The following FBXL13 variants were observed in gnomAD, a reference collection of about 807,000 sequenced individuals.
FBXL13 encodes F-box and leucine-rich repeat protein 13.
Under a neutral mutation model 83.6 loss-of-function variants are expected in FBXL13, and 67 were observed. The ratio of observed to expected loss-of-function variants is 0.80; its 90% CI spans 0.66 to 0.98. The LOEUF (loss-of-function observed/expected upper bound fraction) is 0.98. FBXL13 is among the 50% of genes least tolerant of loss of function. The pLI, the probability that FBXL13 is intolerant of heterozygous loss-of-function variation, is 0.00. For missense variants in FBXL13, 822 were observed against 866.5 expected (o/e 0.95, Z 0.64); for synonymous variants, 272 against 299.5 (o/e 0.91, Z 0.95).
Position 103,021,633 on chromosome 7 carries a change from G to A in FBXL13, c.495+3430C>T, listed in dbSNP as rs1018958605. On this transcript the variant is annotated intron_variant, in intron 6 of 19. Transcript: ENST00000313221. Reference sequence around the variant, plus strand: ...ATCTACAAAGAACTTAAACAAATTTGCAAGAAAAAATCAAACAACCCCATC... The same window carrying A: ...ATCTACAAAGAACTTAAACAAATTTACAAGAAAAAATCAAACAACCCCATC... Among the ~76,000 whole-genome samples, 23 of 152,092 alleles carry A rather than the reference G, an allele frequency of 1.5e-4. 1 individual carries two copies. The highest frequency in any genetic ancestry group is 3.2e-4 in the Non-Finnish European group (22 of 67,962).
At chr7:102,861,904 C>G (rs767225957) in intron 16 of FBXL13, among the ~76,000 whole-genome samples, 1 of 150,438 alleles carries the variant, frequency 6.6e-6, no homozygotes, top group Admixed American at 6.6e-5. Context: ...ATCGCTTTAA[C>G]CCAGGAGGCA....
intron 2 of FBXL13, among the ~76,000 whole-genome samples, chr7:103,053,278 G>C (rs1297211336): frequency 6.7e-6 from 1 of 150,280 alleles, no homozygotes; most frequent in East Asian, 2.0e-4. Flanking sequence ...TCAGCCTCCT[G>C]AGTAGCTGGG....
intron 17 of FBXL13, among the ~76,000 whole-genome samples, chr7:102,853,499 C>A (rs1054573596): frequency 7.2e-5 from 11 of 152,160 alleles, no homozygotes; most frequent in African/African-American, 2.7e-4. Flanking sequence ...GCAATGGCAA[C>A]AAAAGCCAAA....
intron 6 of FBXL13, among the ~76,000 whole-genome samples, chr7:103,002,993 C>T (rs1422731579): frequency 6.6e-6 from 1 of 152,052 alleles, no homozygotes; most frequent in Admixed American, 6.6e-5. Context: ...TCTTTCTAAC[C>T]ATTGCTCTTT....
At chr7:102,920,774 C>G (rs1369571516) in intron 10 of FBXL13, among the ~76,000 whole-genome samples, 2 of 152,150 alleles carry the variant, frequency 1.3e-5, no homozygotes, top group African/African-American at 4.8e-5. Flanking sequence ...AATCCCGCAT[C>G]ACAAAGGTTA....
At chr7:103,052,033 CAG>C (rs1490374110) in intron 2 of FBXL13, among the ~76,000 whole-genome samples, 1 of 152,220 alleles carries the variant, frequency 6.6e-6, no homozygotes, top group Non-Finnish European at 1.5e-5. Flanking sequence ...ATCACTTTAA[CAG>C]CACATATTGG....
intron 6 of FBXL13, among the ~76,000 whole-genome samples, chr7:102,983,888 A>G (rs996326869): frequency 2.0e-5 from 3 of 152,202 alleles, no homozygotes; most frequent in African/African-American, 4.8e-5. Flanking sequence ...CCCTCAGGGC[A>G]CATGTGGAAG....
chr7:102,811,800 G>C (rs183039156), downstream of FBXL13, among the ~76,000 whole-genome samples: 1 of 152,224 alleles, frequency 6.6e-6, no homozygotes, highest in African/African-American at 2.4e-5. Flanking sequence ...TCTTGGCTAT[G>C]GTCTAAAACT....
chr7:102,883,543 G>A lies in FBXL13; in HGVS notation c.1225+25C>T, dbSNP rs76061113. On this transcript the variant is annotated intron_variant, in intron 13 of 19. Coordinates refer to ENST00000313221, the Ensembl canonical transcript of FBXL13. ...AAGAGTAAAAGTAAACAATAATGCT[G>A]AACCACATTTTTAATATAACAGACC... 9.7e-5 allele frequency: 154 copies of A among 1,588,434 alleles called. No individual in the cohort carries two copies. In the African/African-American group the frequency reaches 1.9e-3, roughly 20 times the overall value.
At chr7:103,055,150 G>A (rs1433417443) in intron 2 of FBXL13, 2 of 1,288,560 alleles carry the variant, frequency 1.6e-6, no homozygotes, top group East Asian at 5.6e-5. Flanking sequence ...CGAATGTTTG[G>A]TTTCATTGAT....
At chr7:102,811,654 C>T (rs2129444358), downstream of FBXL13, among the ~76,000 whole-genome samples, 1 of 152,314 alleles carries the variant, frequency 6.6e-6, no homozygotes, top group East Asian at 1.9e-4. Context: ...CTTTAGAAAG[C>T]AATTGCCTCT....
At chr7:102,840,040 T>C (rs1349230261) in intron 17 of FBXL13, among the ~76,000 whole-genome samples, 1 of 152,042 alleles carries the variant, frequency 6.6e-6, no homozygotes, top group Admixed American at 6.5e-5. Flanking sequence ...ATCCAGAACA[T>C]TTTGTAAAAA....
chr7:102,877,269 T>A (rs1044688014), intron 16 of FBXL13, among the ~76,000 whole-genome samples, 198 bp downstream of exon 17: 5 of 152,186 alleles, frequency 3.3e-5, no homozygotes, highest in Non-Finnish European at 7.3e-5. Flanking sequence ...TATTTTGCTA[T>A]TTTTTAAACA....
At chr7:102,841,304 T>A (rs1276366074) in intron 17 of FBXL13, among the ~76,000 whole-genome samples, 1 of 152,128 alleles carries the variant, frequency 6.6e-6, no homozygotes, top group Non-Finnish European at 1.5e-5. Flanking sequence ...AAACTAATGT[T>A]CCAGGGGCAG....
chr7:102,945,168 T>C (rs1234043812), intron 8 of FBXL13, among the ~76,000 whole-genome samples: 1 of 152,196 alleles, frequency 6.6e-6, no homozygotes, highest in African/African-American at 2.4e-5. Flanking sequence ...TGCAAAGTAC[T>C]GTCAAGCTAG....
At chr7:102,974,692 C>T (rs1180148414) in intron 6 of FBXL13, among the ~76,000 whole-genome samples, 2 of 152,116 alleles carry the variant, frequency 1.3e-5, no homozygotes, top group Non-Finnish European at 2.9e-5. Flanking sequence ...TCACCTTTCT[C>T]CTCCCAACTC....
chr7:102,914,083 C>T (rs1041958750), intron 10 of FBXL13, among the ~76,000 whole-genome samples: 5 of 152,116 alleles, frequency 3.3e-5, no homozygotes, highest in Non-Finnish European at 7.4e-5. Flanking sequence ...TTTTTTGAGA[C>T]GAAGTTTCGC....
intron 14 of FBXL13, among the ~76,000 whole-genome samples, chr7:102,881,613 A>G (rs1306606052): frequency 6.6e-6 from 1 of 151,728 alleles, no homozygotes; most frequent in African/African-American, 2.4e-5. Context: ...ATTACTATGT[A>G]ACAAATTGAT....
chr7:103,052,613 T>C (rs570861238), intron 2 of FBXL13, among the ~76,000 whole-genome samples: 4 of 152,344 alleles, frequency 2.6e-5, no homozygotes, highest in Admixed American at 6.5e-5. Context: ...TCATATCTCA[T>C]TTTTATTATT....
Sources: gnomAD v4.1 joint callset for allele counts (sites outside exome capture counted in the v4.1 genomes callset) on GRCh38, gnomAD v4.1.1 for gene constraint, MANE v1.5 for transcripts, NCBI Gene and HGNC (gene_info 2026-07-23, HGNC 2026-07-21) for gene names.